FGFR3: variants seen among roughly 807,000 people sequenced by gnomAD.
FGFR3 encodes the protein fibroblast growth factor receptor 3.
FGFR3 carries 25 observed loss-of-function variants against 82.9 expected under a neutral mutation model. That is an observed-to-expected ratio of 0.30 (90% CI 0.22 to 0.42). The LOEUF (loss-of-function observed/expected upper bound fraction) is 0.42, where lower values mean the gene tolerates loss of function less well. FGFR3 is among the 10% of genes least tolerant of loss of function. The pLI is 1.00. For synonymous variants in FGFR3, 620 were observed against 516.0 expected, an observed-to-expected ratio of 1.20 and a Z score of -2.73; for missense variants, 1,026 against 1,161.0, an observed-to-expected ratio of 0.88 and a Z score of 1.69.
intron 8 of FGFR3, 43 bp from the exon 9 acceptor site, chr4:1,804,287 G>C (rs547904954): frequency 5.2e-5 from 74 of 1,430,742 alleles, no homozygotes; most frequent in South Asian, 8.6e-5. Context: ...GAGCCCCGTG[G>C]GGGGGGGGGC....
chr4:1,802,866 C>T (rs941677795), intron 7 of FGFR3: 27 of 1,544,960 alleles, frequency 1.7e-5, no homozygotes, highest in Admixed American at 6.1e-5. Context: ...TCGTGCCCGG[C>T]GGGGCTGCCT....
intron 4 of FGFR3, 136 bp from the exon 5 acceptor site, chr4:1,801,231 C>A: frequency 1.0e-6 from 1 of 1,000,518 alleles, no homozygotes; most frequent in Non-Finnish European, 1.5e-6. Flanking sequence ...TCCTGGGAAC[C>A]TCATCCCGCC....
rs751365581 is a variant in FGFR3 at position 1,806,913 on chromosome 4, C to T, written c.2253C>T (p.Val751=). Residue 751 remains valine, a synonymous_variant, in exon 17 of 18, where the codon GTC becomes GTT. Transcript: ENST00000440486. The stretch of plus-strand genomic sequence containing the variant: ...AGCTGGTGGAGGACCTGGACCGTGT[C>T]CTTACCGTGACGTCCACCGACGTGA... The part of the protein sequence containing the change: ...FKQLVEDLDR[V]LTVTSTDEYL... 5 of 1,610,346 alleles carry T rather than the reference C, an allele frequency of 3.1e-6. No individual in the cohort carries two copies. Among genetic ancestry groups the T allele is most frequent in the Non-Finnish European group, 4.2e-6 (5 of 1,179,040 alleles).
At chr4:1,800,433 A>G (rs988969406) in intron 4 of FGFR3, among the ~76,000 whole-genome samples, 1 of 151,968 alleles carries the variant, frequency 6.6e-6, no homozygotes, top group African/African-American at 2.4e-5. Context: ...CGTGGCACAG[A>G]CATGGGGGGC....
At chr4:1,795,485 G>C (rs1720393758) in intron 2 of FGFR3, among the ~76,000 whole-genome samples, 1 of 149,018 alleles carries the variant, frequency 6.7e-6, no homozygotes, top group African/African-American at 2.4e-5. Context: ...GTAGTGAGTT[G>C]ATCGGTCAAT....
rs1720898417 is a variant in FGFR3 at position 1,799,287 on chromosome 4, A to C, written c.143A>C (p.Gln48Pro). Reference protein sequence around the residue: ...VPGPEPGQQEQLVFGSGDAVE... With the variant: ...VPGPEPGQQEPLVFGSGDAVE... ...GGCCCAGAGCCCGGCCAGCAGGAGC[A>C]GTTGGTCTTCGGCAGCGGGGATGCT... The change falls in exon 3 of 18, where the codon CAG becomes CCG. Residue 48 changes from glutamine (Q) to proline (P), a missense_variant. Gln to Pro is a moderately conservative substitution (Grantham distance 76). Coordinates refer to ENST00000440486, the MANE Select transcript of FGFR3 (RefSeq NM_000142.5). 6.2e-7 allele frequency: 1 copy of C among 1,612,570 alleles called. No individual in the cohort carries two copies. Among genetic ancestry groups the C allele is most frequent in the Non-Finnish European group, 8.5e-7 (1 of 1,179,962 alleles).
intron 2 of FGFR3, among the ~76,000 whole-genome samples, chr4:1,796,709 C>T (rs550042207): frequency 6.6e-6 from 1 of 152,294 alleles, no homozygotes; most frequent in Admixed American, 6.5e-5. Flanking sequence ...GAAAGGTTCC[C>T]CAGGCCAGAG....
intron 16 of FGFR3, 67 bp downstream of exon 16, chr4:1,806,750 G>A: frequency 1.3e-6 from 2 of 1,596,298 alleles, no homozygotes; most frequent in Non-Finnish European, 1.7e-6. Context: ...CTGGGCGGGG[G>A]AGGGACTGGC....
Position 1,803,222 on chromosome 4 carries a change from C to T in FGFR3, c.931-470C>T, listed in dbSNP as rs377192087. ...GCAAGGCTGGCAGCTCCAGCCTCCACGGTGACCGCCCGCTTCGAGCCCTGT... is the reference window on the plus strand; with the variant it reads ...GCAAGGCTGGCAGCTCCAGCCTCCATGGTGACCGCCCGCTTCGAGCCCTGT... On this transcript the variant is annotated intron_variant, in intron 7 of 17. Transcript: ENST00000440486. The T allele has an allele frequency of 2.1e-3, 1,878 of 883,702 alleles. 19 individuals are homozygous for T. In the African/African-American group the frequency reaches 0.023, roughly 11 times the overall value. The allele number at this position is 883,702 out of a possible 1,614,324, so 54.7% of individuals were successfully genotyped here.
chr4:1,801,845 G>A lies in FGFR3; in HGVS notation c.750G>A (p.Pro250=), dbSNP rs761691291. The A allele has an allele frequency of 3.7e-6, 6 of 1,607,446 alleles. No individual in the cohort carries two copies. The highest frequency in any genetic ancestry group is 2.2e-5 in the East Asian group (1 of 44,740). Residue 250 remains proline, a synonymous_variant, in exon 7 of 18, where the codon CCG becomes CCA. Transcript: ENST00000440486. ...CATCTGCCCCCACAGAGCGCTCCCC[G>A]CACCGGCCCATCCTGCAGGCGGGGC... The part of the protein sequence containing the change: ...TYTLDVLERS[P]HRPILQAGLP...
At position 1,804,192 on chromosome 4, in the gene FGFR3, C is replaced by A; in HGVS notation, c.1076-138C>A. ...CTCACTGGCGTTACTGACTGCGAGA[C>A]CCTCCAGACAAGGCGCGTGCTGAGG... On this transcript the variant is annotated intron_variant, in intron 8 of 17. Transcript: ENST00000440486. 4.1e-6 allele frequency: 4 copies of A among 981,510 alleles called. No individual in the cohort carries two copies. The Admixed American group carries it at 7.3e-5, about 18-fold the overall frequency. 60.8% of individuals were successfully genotyped at this position (981,510 alleles called of 1,614,324 possible). A position where few individuals can be genotyped will look rare whatever the true frequency, so the allele number is the denominator to read the frequency against.
chr4:1,804,299 A>C (rs1325222490), intron 8 of FGFR3, 31 bp from the exon 9 acceptor site: 2 of 1,549,522 alleles, frequency 1.3e-6, no homozygotes, highest in Non-Finnish European at 1.7e-6. Flanking sequence ...GGGGGGGGCC[A>C]GGCCAGGCCT....
At chr4:1,805,218 C>G in intron 10 of FGFR3, 137 bp from the exon 11 acceptor site, 2 of 1,495,060 alleles carry the variant, frequency 1.3e-6, no homozygotes, top group Admixed American at 1.8e-5. Context: ...TACGAGCAGG[C>G]TGTAGGGGGA....
Position 1,805,760 on chromosome 4 carries a change from C to T in FGFR3, c.1656C>T (p.Tyr552=), listed in dbSNP as rs150083071. 33 of 1,612,418 alleles carry T rather than the reference C, an allele frequency of 2.0e-5. No individual in the cohort carries two copies. The highest frequency in any genetic ancestry group is 1.2e-4 in the African/African-American group (9 of 74,902). ...AGCCCGTGTCCCCAGGGCCCCTGTA[C>T]GTGCTGGTGGAGTACGCGGCCAAGG... The part of the protein sequence containing the change: ...LGACTQGGPL[Y]VLVEYAAKGN... Residue 552 remains tyrosine, a synonymous_variant, in exon 13 of 18, where the codon TAC becomes TAT. Transcript: ENST00000440486.
At chr4:1,803,029 A>G in intron 7 of FGFR3, 1 of 1,599,918 alleles carries the variant, frequency 6.3e-7, no homozygotes, top group Non-Finnish European at 8.5e-7. Context: ...GTGGCCGAGA[A>G]GGCCTTTTGG....
At position 1,803,785 on chromosome 4, in the gene FGFR3, G is replaced by A. The variant is rs587778775; in HGVS notation, c.1024G>A (p.Gly342Ser). Reference sequence around the variant, plus strand: ...CGCCGGGGAGTACACCTGCCTGGCGGGCAATTCTATTGGGTTTTCTCATCA... The same window carrying A: ...CGCCGGGGAGTACACCTGCCTGGCGAGCAATTCTATTGGGTTTTCTCATCA... The part of the protein sequence containing the change: ...EDAGEYTCLA[G>S]NSIGFSHHSA... Residue 342 changes from glycine to serine, a missense_variant, in exon 8 of 18, where the codon GGC (glycine) becomes AGC (serine). Gly to Ser is a moderately conservative substitution (Grantham distance 56, BLOSUM62 0). Coordinates refer to ENST00000440486, the MANE Select transcript of FGFR3 (RefSeq NM_000142.5). 2.5e-6 allele frequency: 4 copies of A among 1,613,970 alleles called. No homozygotes were observed. The highest frequency in any genetic ancestry group is 3.4e-6 in the Non-Finnish European group (4 of 1,180,044).
At position 1,807,292 on chromosome 4, in the gene FGFR3, G is replaced by A. The variant is rs769662278; in HGVS notation, c.*30G>A. 9 of 1,572,276 alleles carry A rather than the reference G, an allele frequency of 5.7e-6. No homozygotes were observed. Among genetic ancestry groups the A allele is most frequent in the Admixed American group, 1.8e-5 (1 of 55,490 alleles). ...CCACTGGTCCCCAACAATGTGAGGG[G>A]TCCCTAGCAGCCCACCCTGCTGCTG... On this transcript the variant is annotated 3_prime_UTR_variant, in exon 18 of 18. Transcript: ENST00000440486.
At chr4:1,806,442 C>G (rs1467092827) in intron 15 of FGFR3, 104 bp from the exon 16 acceptor site, 2 of 1,605,796 alleles carry the variant, frequency 1.2e-6, no homozygotes, top group South Asian at 1.1e-5. Context: ...TGGTTTCTAC[C>G]CCTCCCTGGG....
chr4:1,806,567 C>G lies in FGFR3; in HGVS notation c.2052C>G (p.Leu684=), dbSNP rs1468826596. ...GCAGCTGGTCCTTTGGGGTCCTGCT[C>G]TGGGAGATCTTCACGCTGGGGGGCT... ...QSDVWSFGVL[L]WEIFTLGGSP... Residue 684 remains leucine (L), a synonymous_variant, in exon 16 of 18, where the codon CTC becomes CTG. Transcript: ENST00000440486. 3 of 1,612,970 alleles carry G rather than the reference C, an allele frequency of 1.9e-6. No homozygotes were observed. The highest frequency in any genetic ancestry group is 2.5e-6 in the Non-Finnish European group (3 of 1,179,960).
Sources: allele counts gnomAD v4.1 joint callset (sites outside exome capture counted in the v4.1 genomes callset), GRCh38; gene constraint gnomAD v4.1.1; transcripts MANE v1.5; gene names NCBI Gene and HGNC (gene_info 2026-07-23, HGNC 2026-07-21).